Variants in C5orf63 observed in about 807,000 individuals in gnomAD.
The protein encoded by C5orf63 is glutaredoxin-like protein C5orf63.
In C5orf63, 18 loss-of-function variants were observed where a neutral mutation model predicts 13.3. That is an observed-to-expected ratio of 1.36 (90% CI 0.94 to 2.01). C5orf63 has a LOEUF of 2.01. C5orf63 is among the 30% of genes most tolerant of loss of function. The pLI is 0.00. For synonymous variants in C5orf63, 38 were observed against 44.7 expected (o/e 0.85, Z 0.60); for missense variants, 118 against 127.7 (o/e 0.92, Z 0.36).
intron 3 of C5orf63, among the ~76,000 whole-genome samples, chr5:127,056,879 G>A (rs1403549948): frequency 6.6e-6 from 1 of 152,158 alleles, no homozygotes; most frequent in East Asian, 1.9e-4. Flanking sequence ...TTACTTCACT[G>A]GATTATAAGC....
chr5:127,048,139 T>C (rs1346995958), downstream of C5orf63, among the ~76,000 whole-genome samples: 1 of 151,876 alleles, frequency 6.6e-6, no homozygotes, highest in East Asian at 1.9e-4. Context: ...CCTCAGCCCC[T>C]CGGAACCCAG....
downstream of C5orf63, chr5:127,047,943 G>A (rs1753558595): frequency 1.5e-6 from 1 of 656,894 alleles, no homozygotes; most frequent in African/African-American, 1.8e-5. Flanking sequence ...AGTGGAGAGG[G>A]GTGAGAATGT....
At chr5:127,053,440 C>T (rs1753761407) in intron 3 of C5orf63, among the ~76,000 whole-genome samples, 2 of 151,442 alleles carry the variant, frequency 1.3e-5, no homozygotes, top group Non-Finnish European at 2.9e-5. Flanking sequence ...ATATATTATA[C>T]CTTTTTATTA....
chr5:127,048,682 T>C (rs1753583037), downstream of C5orf63, among the ~76,000 whole-genome samples: 1 of 152,194 alleles, frequency 6.6e-6, no homozygotes, highest in African/African-American at 2.4e-5. Flanking sequence ...GGGATTCTTG[T>C]TTGAAATTCT....
chr5:127,057,204 T>C (rs1431668543), intron 3 of C5orf63, among the ~76,000 whole-genome samples: 1 of 152,240 alleles, frequency 6.6e-6, no homozygotes, highest in African/African-American at 2.4e-5. Flanking sequence ...ATATAAAAAG[T>C]AGTTTAGATT....
At chr5:127,067,817 TG>T (rs1486583522) in intron 2 of C5orf63, among the ~76,000 whole-genome samples, 1 of 152,206 alleles carries the variant, frequency 6.6e-6, no homozygotes, top group Non-Finnish European at 1.5e-5. Context: ...TGGATTTTAT[TG>T]ATAATCTTTA....
At chr5:127,072,116 G>A (rs949556561) in intron 1 of C5orf63, 4 of 152,206 alleles carry the variant, frequency 2.6e-5, no homozygotes, top group African/African-American at 7.2e-5. Flanking sequence ...AGGGAAGAAA[G>A]ACAATCTGAG....
chr5:127,048,672 G>A (rs2126878743), downstream of C5orf63, among the ~76,000 whole-genome samples: 1 of 152,168 alleles, frequency 6.6e-6, no homozygotes, highest in Admixed American at 6.5e-5. Context: ...CCTATATCAT[G>A]GGATTCTTGT....
rs1753666005 is a variant in C5orf63 at position 127,051,354 on chromosome 5, C to T, written c.*417G>A. On this transcript the variant is annotated 3_prime_UTR_variant, in exon 5 of 5. Transcript: ENST00000296662. ...ACCGTGCACAGTTATTAACAATTCA[C>T]ATTTCACTTTATCTACTGAGTGGAA... The T allele has an allele frequency of 8.1e-7, 1 of 1,231,786 alleles. No individual in the cohort carries two copies. The highest frequency in any genetic ancestry group is 1.0e-6 in the Non-Finnish European group (1 of 987,958). 76.3% of individuals were successfully genotyped at this position (1,231,786 alleles called of 1,614,324 possible). A position where few individuals can be genotyped will look rare whatever the true frequency, so the allele number is the denominator to read the frequency against.
rs185821942 is a variant in C5orf63 at position 127,052,005 on chromosome 5, G to A, written c.172-58C>T. The A allele has an allele frequency of 3.1e-5, 40 of 1,290,884 alleles. No individual in the cohort carries two copies. The African/African-American group carries it at 5.4e-4, about 17-fold the overall frequency. 80.0% of individuals were successfully genotyped at this position (1,290,884 alleles called of 1,614,324 possible). ...TAGACCATGGGGTGATGTAACAACT[G>A]CAGTGATAAACTGATCCCCAGACCA... is the stretch of plus-strand genomic sequence containing the variant. On this transcript the variant is annotated intron_variant, in intron 4 of 4. Transcript: ENST00000296662.
At chr5:127,052,384 T>C in intron 4 of C5orf63, 2 of 387,326 alleles carry the variant, frequency 5.2e-6, no homozygotes, top group Non-Finnish European at 9.1e-6. Flanking sequence ...CTAGTTAACT[T>C]TGACTCAGTA....
chr5:127,048,246 GAC>G (rs71822352), downstream of C5orf63, among the ~76,000 whole-genome samples: 14,569 of 134,496 alleles, frequency 0.11, 678 homozygotes, highest in African/African-American at 0.14. Flanking sequence ...GGTCCATGAG[GAC>G]ACACACACAC....
intron 2 of C5orf63, among the ~76,000 whole-genome samples, chr5:127,065,288 G>C (rs1382947642): frequency 1.3e-5 from 2 of 152,172 alleles, no homozygotes; most frequent in Non-Finnish European, 2.9e-5. Flanking sequence ...AATCTGGTCA[G>C]AAGTTAAGAC....
chr5:127,055,375 G>A (rs927078383), intron 3 of C5orf63, among the ~76,000 whole-genome samples: 7 of 152,118 alleles, frequency 4.6e-5, no homozygotes, highest in Non-Finnish European at 1.0e-4. Flanking sequence ...GGCTACATCG[G>A]CAGATTTTAA....
intron 1 of C5orf63, among the ~76,000 whole-genome samples, chr5:127,072,491 G>A (rs1198028814): frequency 6.6e-6 from 1 of 152,142 alleles, no homozygotes; most frequent in African/African-American, 2.4e-5. Context: ...GTGCACCAAG[G>A]CATAGCTCTA....
At chr5:127,060,880 A>T (rs12655699) in intron 2 of C5orf63, among the ~76,000 whole-genome samples, 18,531 of 152,152 alleles carry the variant, frequency 0.12, 2,058 homozygotes, top group African/African-American at 0.3. Flanking sequence ...CTTTACTATC[A>T]AAAATTATTT....
At chr5:127,069,951 T>C (rs2126903396) in intron 2 of C5orf63, among the ~76,000 whole-genome samples, 1 of 151,706 alleles carries the variant, frequency 6.6e-6, no homozygotes, top group African/African-American at 2.4e-5. Context: ...TTATATATAA[T>C]GAGATCAACA....
chr5:127,056,872 C>T (rs1052951039), intron 3 of C5orf63, among the ~76,000 whole-genome samples: 2 of 152,216 alleles, frequency 1.3e-5, no homozygotes, highest in African/African-American at 4.8e-5. Context: ...TAAGCATTTA[C>T]TTCACTGGAT....
At chr5:127,056,254 G>A (rs1388825926) in intron 3 of C5orf63, 1 of 152,342 alleles carries the variant, frequency 6.6e-6, no homozygotes, top group African/African-American at 2.4e-5. Flanking sequence ...TTTTGCTGGA[G>A]TTTCTGTAGA....
Sources: gnomAD v4.1 joint callset for allele counts (sites outside exome capture counted in the v4.1 genomes callset) on GRCh38, gnomAD v4.1.1 for gene constraint, MANE v1.5 for transcripts, NCBI Gene and HGNC (gene_info 2026-07-23, HGNC 2026-07-21) for gene names.